The following TNFSF11 variants were observed in gnomAD, a reference collection of about 807,000 sequenced individuals.
The protein encoded by TNFSF11 is tumor necrosis factor ligand superfamily member 11.
In TNFSF11, 12 loss-of-function variants were observed where a neutral mutation model predicts 32.2. The ratio of observed to expected loss-of-function variants is 0.37; its 90% CI spans 0.24 to 0.60. The LOEUF (loss-of-function observed/expected upper bound fraction) is 0.60. Among genes scored for constraint, TNFSF11 ranks in the 20% least tolerant of loss-of-function variants. The pLI is 0.66. For synonymous variants in TNFSF11, 172 were observed against 152.1 expected (o/e 1.13, Z -0.96); for missense variants, 345 against 398.0 (o/e 0.87, Z 1.13).
intron 1 of TNFSF11, among the ~76,000 whole-genome samples, chr13:42,566,061 C>T (rs1872858946): frequency 6.6e-6 from 1 of 152,258 alleles, no homozygotes. Context: ...AGAGCACGGG[C>T]CAACTTCTGG....
intron 2 of TNFSF11, among the ~76,000 whole-genome samples, chr13:42,587,778 A>T (rs1873968142): frequency 2.6e-5 from 4 of 152,252 alleles, no homozygotes; most frequent in African/African-American, 9.6e-5. Flanking sequence ...TGGGAAACAG[A>T]TCCCCTTGGA....
exon 1 of TNFSF11, chr13:42,562,773 T>C (rs947372682): frequency 2.0e-5 from 3 of 152,180 alleles, no homozygotes; most frequent in African/African-American, 7.2e-5. Flanking sequence ...GCCTCTCTGG[T>C]GGCATAGCTA....
upstream of TNFSF11, among the ~76,000 whole-genome samples, chr13:42,571,985 C>T (rs957430162): frequency 4.6e-5 from 7 of 152,112 alleles, no homozygotes; most frequent in African/African-American, 7.2e-5. Flanking sequence ...CAGCAAGAGT[C>T]GTTGAACATA....
chr13:42,600,802 G>C lies in TNFSF11; in HGVS notation c.433+5G>C. ...AGCACATCAGAGCAGAGAAAGGTAA[G>C]CATGGATCCATACATCTGTATGAAA... On this transcript the variant is annotated splice_donor_5th_base_variant and intron_variant, in intron 3 of 4. Transcript: ENST00000398795. The C allele has an allele frequency of 6.2e-7, 1 of 1,614,074 alleles. No individual in the cohort carries two copies. Among genetic ancestry groups the C allele is most frequent in the Non-Finnish European group, 8.5e-7 (1 of 1,179,996 alleles).
intron 1 of TNFSF11, among the ~76,000 whole-genome samples, chr13:42,565,198 C>T (rs917673015): frequency 2.7e-5 from 4 of 147,790 alleles, no homozygotes; most frequent in African/African-American, 5.0e-5. Flanking sequence ...ATCAGCTCAT[C>T]GATAACTTTT....
In TNFSF11 at chr13:42,574,230, C is replaced by T. The variant is rs569615616; in HGVS notation, c.-74C>T. On this transcript the variant is annotated 5_prime_UTR_variant, in exon 1 of 5. Transcript: ENST00000398795. The stretch of plus-strand genomic sequence containing the variant: ...CACGTCGAGGCTCCGCCGCAGCCTC[C>T]GGAGTTGGCCGCAGACAAGAAGGGG... 9.0e-5 allele frequency: 137 copies of T among 1,526,816 alleles called. 1 individual carries two copies. The highest frequency in any genetic ancestry group is 6.4e-4 in the South Asian group (53 of 83,068). The allele number at this position is 1,526,816 out of a possible 1,614,324, so 94.6% of individuals were successfully genotyped here.
At chr13:42,591,004 A>C in intron 2 of TNFSF11, among the ~76,000 whole-genome samples, 1 of 152,216 alleles carries the variant, frequency 6.6e-6, no homozygotes, top group Non-Finnish European at 1.5e-5. Flanking sequence ...TTTTGGAAGA[A>C]ATGATCCACC....
rs200567498 is a variant in TNFSF11 at position 42,607,640 on chromosome 13, G to T, written c.*722G>T. The stretch of plus-strand genomic sequence containing the variant: ...TTTCTTCGTTCTTTTTAAGTTAATA[G>T]ATTTTTTCAGACTTGTCAAGCCTGT... On this transcript the variant is annotated 3_prime_UTR_variant, in exon 5 of 5. Transcript: ENST00000398795. The T allele has an allele frequency of 2.0e-5, 3 of 152,708 alleles. No homozygotes were observed. Among genetic ancestry groups the T allele is most frequent in the Non-Finnish European group, 4.4e-5 (3 of 68,022 alleles). 9.5% of individuals were successfully genotyped at this position (152,708 alleles called of 1,614,324 possible).
Position 42,563,555 on chromosome 13 carries a change from C to T in TNFSF11, c.-302+592C>T, listed in dbSNP as rs191928839. On this transcript the variant is annotated intron_variant, in intron 1 of 6. Transcript: ENST00000358545. ...GCGGACACTTGTCATCCCAGCTACTCGGGGGACTGAAGAAGAAGAATCACT... is the reference window on the plus strand; with the variant it reads ...GCGGACACTTGTCATCCCAGCTACTTGGGGGACTGAAGAAGAAGAATCACT... Among the ~76,000 whole-genome samples, 269 of 151,686 alleles carry T rather than the reference C, an allele frequency of 1.8e-3. 1 individual carries two copies. The highest frequency in any genetic ancestry group is 8.8e-3 in the Admixed American group (134 of 15,228).
chr13:42,574,425 C>A lies in TNFSF11; in HGVS notation c.122C>A (p.Pro41His), dbSNP rs759824547. The A allele has an allele frequency of 1.3e-6, 2 of 1,596,192 alleles. No homozygotes were observed. Among genetic ancestry groups the A allele is most frequent in the East Asian group, 2.3e-5 (1 of 44,410 alleles). Residue 41 changes from proline to histidine, a missense_variant, in exon 1 of 5, where the codon CCC becomes CAC. Pro to His is a moderately conservative substitution (Grantham distance 77). Coordinates refer to ENST00000398795, the MANE Select transcript of TNFSF11 (RefSeq NM_003701.4). ...HAPPPPAPHQ[P>H]PAASRSMFVA... ...CCGCCGCCGCCTGCGCCGCACCAGC[C>A]CCCTGCCGCCTCCCGCTCCATGTTC...
intron 1 of TNFSF11, among the ~76,000 whole-genome samples, chr13:42,576,499 A>T (rs6561060): frequency 1 from 152,069 of 152,340 alleles, 75,900 homozygotes; most frequent in Middle Eastern, 1. Context: ...CAGAAAATAT[A>T]CCTTTGAAGA....
At chr13:42,575,115 G>T (rs540105279) in intron 1 of TNFSF11, among the ~76,000 whole-genome samples, 1 of 152,290 alleles carries the variant, frequency 6.6e-6, no homozygotes, top group East Asian at 1.9e-4. Context: ...AGAGAGGCGC[G>T]GGCTCGGGAT....
At chr13:42,566,144 C>T (rs557954265) in intron 1 of TNFSF11, among the ~76,000 whole-genome samples, 1 of 152,274 alleles carries the variant, frequency 6.6e-6, no homozygotes, top group Non-Finnish European at 1.5e-5. Flanking sequence ...AGAATTAATC[C>T]CATAGCTTCT....
chr13:42,574,286 G>T lies in TNFSF11; in HGVS notation c.-18G>T, dbSNP rs1318502257. 1.9e-6 allele frequency: 3 copies of T among 1,546,314 alleles called. No individual in the cohort carries two copies. The highest frequency in any genetic ancestry group is 2.7e-5 in the African/African-American group (2 of 72,958). ...GCGGGAGAGGGAGGAGAGCTCCGAA[G>T]CGAGAGGGCCGAGCGCCATGCGCCG... On this transcript the variant is annotated 5_prime_UTR_variant, in exon 1 of 5. Coordinates refer to ENST00000398795, the MANE Select transcript of TNFSF11 (RefSeq NM_003701.4).
chr13:42,596,247 C>T (rs1473852046), intron 2 of TNFSF11, among the ~76,000 whole-genome samples: 1 of 152,102 alleles, frequency 6.6e-6, no homozygotes, highest in Admixed American at 6.5e-5. Context: ...GGGGGTTCAT[C>T]AGCCAAGCCA....
At chr13:42,601,776 C>G (rs1004496451) in intron 4 of TNFSF11, among the ~76,000 whole-genome samples, 1 of 152,298 alleles carries the variant, frequency 6.6e-6, no homozygotes, top group Non-Finnish European at 1.5e-5. Flanking sequence ...TGTGACTACC[C>G]GATGAACTCT....
At chr13:42,601,347 G>A (rs1869163710) in intron 4 of TNFSF11, among the ~76,000 whole-genome samples, 1 of 152,172 alleles carries the variant, frequency 6.6e-6, no homozygotes, top group East Asian at 1.9e-4. Context: ...AATTCATCAG[G>A]TAGTCACATA....
Position 42,606,614 on chromosome 13 carries a change from A to G in TNFSF11, c.650A>G (p.Tyr217Cys). Reference sequence around the variant, plus strand: ...AATCAGGATGGCTTTTATTACCTGTATGCCAACATTTGCTTTCGACATCAT... The same window carrying G: ...AATCAGGATGGCTTTTATTACCTGTGTGCCAACATTTGCTTTCGACATCAT... ...IVNQDGFYYL[Y>C]ANICFRHHET... The change falls in exon 5 of 5, where the codon TAT becomes TGT. Residue 217 changes from tyrosine (Y) to cysteine (C), a missense_variant. Transcript: ENST00000398795. 1 of 1,614,238 alleles carries G rather than the reference A, an allele frequency of 6.2e-7. No individual in the cohort carries two copies. The highest frequency in any genetic ancestry group is 8.5e-7 in the Non-Finnish European group (1 of 1,180,038).
intron 2 of TNFSF11, among the ~76,000 whole-genome samples, chr13:42,589,643 T>C (rs1874069061): frequency 6.6e-6 from 1 of 152,158 alleles, no homozygotes; most frequent in African/African-American, 2.4e-5. Context: ...TCGCAACTTG[T>C]ACTCCACGGC....
Sources: allele counts gnomAD v4.1 joint callset (sites outside exome capture counted in the v4.1 genomes callset), GRCh38; gene constraint gnomAD v4.1.1; transcripts MANE v1.5; gene names NCBI Gene and HGNC (gene_info 2026-07-23, HGNC 2026-07-21).